GLT1D1: variants seen among roughly 807,000 people sequenced by gnomAD.
GLT1D1 encodes glycosyltransferase 1 domain-containing protein 1.
GLT1D1 carries 21 observed loss-of-function variants against 28.7 expected under a neutral mutation model. The observed-to-expected ratio is 0.73, with a 90% CI of 0.52 to 1.05. The LOEUF (loss-of-function observed/expected upper bound fraction) is 1.05, where lower values mean the gene tolerates loss of function less well. Among genes scored for constraint, GLT1D1 ranks in the 50% least tolerant of loss-of-function variants. The pLI is 0.00. For missense variants in GLT1D1, 343 were observed against 330.6 expected (o/e 1.04, Z -0.29); for synonymous variants, 147 against 124.8 (o/e 1.18, Z -1.19).
At chr12:128,922,553 G>A (rs940629419) in intron 4 of GLT1D1, among the ~76,000 whole-genome samples, 6 of 152,156 alleles carry the variant, frequency 3.9e-5, no homozygotes, top group African/African-American at 4.8e-5. Context: ...TGCATGTAGC[G>A]TCTAGCTTAG....
Position 128,956,019 on chromosome 12 carries a change from C to T in GLT1D1, c.541-1526C>T, listed in dbSNP as rs372567917. Among the ~76,000 whole-genome samples the T allele has an allele frequency of 8.3e-4, 125 of 151,304 alleles. No homozygotes were observed. In the East Asian group the frequency reaches 0.016, roughly 19 times the overall value. On this transcript the variant is annotated intron_variant, in intron 6 of 7. Coordinates refer to ENST00000281703, the MANE Select transcript of GLT1D1 (RefSeq NM_144669.3). The stretch of plus-strand genomic sequence containing the variant: ...CTAAAAGTACAAAAAATTAGCCGGG[C>T]GTGATGGCGGGCGCCTGTAGTCCCA...
At chr12:128,953,093 T>A (rs566112420) in intron 6 of GLT1D1, among the ~76,000 whole-genome samples, 3 of 152,094 alleles carry the variant, frequency 2.0e-5, no homozygotes, top group Admixed American at 2.0e-4. Flanking sequence ...ATGTTGAGCA[T>A]CTTTTCACGT....
chr12:128,947,549 C>T, intron 6 of GLT1D1, 91 bp downstream of exon 10: 1 of 1,440,256 alleles, frequency 6.9e-7, no homozygotes, highest in Non-Finnish European at 9.8e-7. Context: ...TTGTCAATAA[C>T]ATTCTGCACT....
intron 7 of GLT1D1, among the ~76,000 whole-genome samples, chr12:128,973,213 C>T (rs1192167350): frequency 5.6e-5 from 4 of 71,500 alleles, no homozygotes; most frequent in Admixed American, 2.0e-4. Flanking sequence ...TTTTGAGACT[C>T]GCTCTGTTGC....
intron 2 of GLT1D1, among the ~76,000 whole-genome samples, chr12:128,881,561 A>ATATATATATAT (rs1201275552): frequency 3.0e-5 from 1 of 33,724 alleles, no homozygotes; most frequent in Admixed American, 5.9e-4. Context: ...AAAAAAAAAA[A>ATATATATATAT]ATATATATAT....
intron 7 of GLT1D1, among the ~76,000 whole-genome samples, chr12:128,982,040 A>G (rs1394878915): frequency 2.0e-5 from 3 of 152,048 alleles, no homozygotes; most frequent in Admixed American, 6.6e-5. Flanking sequence ...TTTTTTTCCA[A>G]TCCTGAAGGG....
At chr12:128,929,179 G>C (rs1419901655) in intron 4 of GLT1D1, among the ~76,000 whole-genome samples, 1 of 152,232 alleles carries the variant, frequency 6.6e-6, no homozygotes, top group African/African-American at 2.4e-5. Flanking sequence ...CCGCACCTCA[G>C]TGTTGGCTTC....
chr12:128,910,877 T>C (rs1240292113), intron 4 of GLT1D1, among the ~76,000 whole-genome samples: 2 of 152,142 alleles, frequency 1.3e-5, no homozygotes, highest in African/African-American at 4.8e-5. Context: ...CAAAATGCGA[T>C]GCTAAGGACA....
At chr12:128,907,713 C>T (rs1180636279) in intron 4 of GLT1D1, among the ~76,000 whole-genome samples, 1 of 152,112 alleles carries the variant, frequency 6.6e-6, no homozygotes, top group East Asian at 1.9e-4. Flanking sequence ...TGTTTGTTTG[C>T]CCCCATGTGA....
intron 4 of GLT1D1, among the ~76,000 whole-genome samples, chr12:128,931,760 C>A (rs1199738100): frequency 6.6e-6 from 1 of 152,152 alleles, no homozygotes; most frequent in African/African-American, 2.4e-5. Flanking sequence ...GCTGACTCTG[C>A]AGGAGAAGCC....
chr12:128,960,524 G>A (rs1877822625), intron 7 of GLT1D1, among the ~76,000 whole-genome samples: 1 of 152,150 alleles, frequency 6.6e-6, no homozygotes, highest in Admixed American at 6.5e-5. Flanking sequence ...TTGGGAAGCT[G>A]AGGTGGGTGG....
At chr12:128,878,739 A>C (rs139290230) in intron 2 of GLT1D1, among the ~76,000 whole-genome samples, 152 of 152,062 alleles carry the variant, frequency 1.0e-3, no homozygotes, top group Non-Finnish European at 1.9e-3. Context: ...TCCCAAGTAC[A>C]GGCATGTGGG....
chr12:128,976,341 A>G (rs1879761772), intron 7 of GLT1D1, among the ~76,000 whole-genome samples: 1 of 152,088 alleles, frequency 6.6e-6, no homozygotes, highest in Non-Finnish European at 1.5e-5. Flanking sequence ...TCGGGGACTG[A>G]GGGCGGGTAT....
chr12:128,901,526 T>A (rs888536089), intron 4 of GLT1D1, among the ~76,000 whole-genome samples: 4 of 151,548 alleles, frequency 2.6e-5, no homozygotes, highest in Non-Finnish European at 2.9e-5. Flanking sequence ...AACCTCTGCC[T>A]CCCGGTTTCA....
intron 4 of GLT1D1, among the ~76,000 whole-genome samples, chr12:128,934,055 C>G (rs1381109815): frequency 6.6e-6 from 1 of 152,158 alleles, no homozygotes; most frequent in Non-Finnish European, 1.5e-5. Flanking sequence ...CCATGTCTTT[C>G]TCTGTTAACT....
At chr12:128,912,890 G>C (rs568710928) in intron 4 of GLT1D1, among the ~76,000 whole-genome samples, 3 of 152,198 alleles carry the variant, frequency 2.0e-5, no homozygotes, top group South Asian at 4.1e-4. Context: ...GGTTGGTCTT[G>C]AACTCCTGGG....
intron 7 of GLT1D1, among the ~76,000 whole-genome samples, chr12:128,969,940 G>A (rs1046640010): frequency 3.3e-5 from 5 of 152,070 alleles, no homozygotes; most frequent in African/African-American, 1.2e-4. Flanking sequence ...GAGGGGCCAG[G>A]CATGGAGAGA....
intron 7 of GLT1D1, among the ~76,000 whole-genome samples, chr12:128,971,450 CTCCCTCCA>C (rs1283838517): frequency 4.6e-5 from 5 of 109,564 alleles, no homozygotes; most frequent in Non-Finnish European, 9.7e-5. Context: ...CCCTTCCTCT[CTCCCTCCA>C]TCCCTCCCTC....
chr12:128,955,756 C>T (rs1173087664), intron 6 of GLT1D1, among the ~76,000 whole-genome samples: 5 of 151,828 alleles, frequency 3.3e-5, no homozygotes, highest in African/African-American at 1.2e-4. Context: ...TACTTCCCAC[C>T]ACGTCAAACG....
Sources: allele counts gnomAD v4.1 joint callset (sites outside exome capture counted in the v4.1 genomes callset), GRCh38; gene constraint gnomAD v4.1.1; transcripts MANE v1.5; gene names NCBI Gene and HGNC (gene_info 2026-07-23, HGNC 2026-07-21).